The following BCKDHA variants were observed in gnomAD, a reference collection of about 807,000 sequenced individuals.
The protein encoded by BCKDHA is 2-oxoisovalerate dehydrogenase subunit alpha, mitochondrial.
In BCKDHA, 43 loss-of-function variants were observed where a neutral mutation model predicts 52.2. The observed-to-expected ratio is 0.82, with a 90% CI of 0.64 to 1.06. The LOEUF (loss-of-function observed/expected upper bound fraction) is 1.06, where lower values mean the gene tolerates loss of function less well. Among genes scored for constraint, BCKDHA ranks in the 50% least tolerant of loss-of-function variants. The pLI, the probability that BCKDHA is intolerant of heterozygous loss-of-function variation, is 0.00. For synonymous variants in BCKDHA, 234 were observed against 247.9 expected, an observed-to-expected ratio of 0.94 and a Z score of 0.53; for missense variants, 527 against 621.3, an observed-to-expected ratio of 0.85 and a Z score of 1.61.
chr19:41,412,914 G>C (rs1428740586), intron 3 of BCKDHA, among the ~76,000 whole-genome samples: 2 of 152,078 alleles, frequency 1.3e-5, no homozygotes, highest in African/African-American at 4.8e-5. Context: ...ACATTGGCCA[G>C]GCTAGTCTGG....
chr19:41,402,651 T>C (rs2288872), intron 1 of BCKDHA, among the ~76,000 whole-genome samples: 1 of 152,172 alleles, frequency 6.6e-6, no homozygotes, highest in East Asian at 1.9e-4. Flanking sequence ...TTTTGTTTTA[T>C]ATTTTTTTGA....
chr19:41,420,738 C>T (rs1034428332), intron 5 of BCKDHA, among the ~76,000 whole-genome samples: 3 of 152,240 alleles, frequency 2.0e-5, no homozygotes, highest in African/African-American at 7.2e-5. Flanking sequence ...CTGCCTCAGT[C>T]CTCAGAGTCA....
At chr19:41,409,713 T>A (rs2039230838) in intron 1 of BCKDHA, among the ~76,000 whole-genome samples, 1 of 152,114 alleles carries the variant, frequency 6.6e-6, no homozygotes, top group Admixed American at 6.6e-5. Flanking sequence ...AGCCTCTCAT[T>A]TCCATGAGGG....
At chr19:41,410,601 T>G in intron 1 of BCKDHA, 36 bp from the exon 2 acceptor site, 3 of 1,613,376 alleles carry the variant, frequency 1.9e-6, no homozygotes, top group Non-Finnish European at 2.5e-6. Context: ...GGGTGCTGCT[T>G]CTGATGCAGG....
chr19:41,419,648 G>A lies in BCKDHA; in HGVS notation c.646+352G>A, dbSNP rs2039343173. On this transcript the variant is annotated intron_variant, in intron 5 of 8. Coordinates refer to ENST00000269980, the MANE Select transcript of BCKDHA (RefSeq NM_000709.4). The stretch of plus-strand genomic sequence containing the variant: ...ATAGAGACAGGGTTTCACCGTGTTG[G>A]CCAGGCTGGTCTCAAACTCCCGGCC... Among the ~76,000 whole-genome samples, 5 of 151,976 alleles carry A rather than the reference G, an allele frequency of 3.3e-5. No homozygotes were observed. The South Asian group carries it at 1.0e-3, about 32-fold the overall frequency.
At chr19:41,411,100 C>T (rs2039249035) in intron 3 of BCKDHA, 91 bp downstream of exon 3, 4 of 1,410,488 alleles carry the variant, frequency 2.8e-6, no homozygotes, top group Non-Finnish European at 4.0e-6. Flanking sequence ...CCAAGGAGGA[C>T]AGATTCTTTT....
At chr19:41,404,656 C>T (rs1203721460) in intron 1 of BCKDHA, among the ~76,000 whole-genome samples, 5 of 151,658 alleles carry the variant, frequency 3.3e-5, no homozygotes, top group South Asian at 2.1e-4. Flanking sequence ...TGCAGTGGTG[C>T]GATCTTGGCT....
Position 41,422,617 on chromosome 19 carries a change from G to A in BCKDHA, c.854-12G>A. 2.5e-6 allele frequency: 4 copies of A among 1,613,814 alleles called. No homozygotes were observed. Among genetic ancestry groups the A allele is most frequent in the Non-Finnish European group, 3.4e-6 (4 of 1,180,030 alleles). On this transcript the variant is annotated splice_polypyrimidine_tract_variant and intron_variant, in intron 6 of 8. Coordinates refer to ENST00000269980, the MANE Select transcript of BCKDHA (RefSeq NM_000709.4). ...AGCCCTGGCCTGACCTGCCTTCTCTGTGTCCCCACAGCAGCACGAGGCCCC... is the reference window on the plus strand; with the variant it reads ...AGCCCTGGCCTGACCTGCCTTCTCTATGTCCCCACAGCAGCACGAGGCCCC...
rs1367109275 is a variant in BCKDHA at position 41,422,216 on chromosome 19, C to T, written c.699C>T (p.Ile233=). ...AKRANANRVV[I]CYFGEGAASE... ...GGGCCAATGCCAACAGGGTCGTCAT[C>T]TGTTACTTCGGCGAGGGGGCAGCCA... Residue 233 remains isoleucine, a synonymous_variant, in exon 6 of 9, where the codon ATC becomes ATT. Coordinates refer to ENST00000269980, the MANE Select transcript of BCKDHA (RefSeq NM_000709.4). 1 of 1,614,182 alleles carries T rather than the reference C, an allele frequency of 6.2e-7. No homozygotes were observed. The highest frequency in any genetic ancestry group is 8.5e-7 in the Non-Finnish European group (1 of 1,180,012).
intron 5 of BCKDHA, 48 bp downstream of exon 5, chr19:41,419,344 AC>A (rs1238005289): frequency 2.5e-6 from 4 of 1,570,402 alleles, no homozygotes; most frequent in Middle Eastern, 1.8e-4. Flanking sequence ...CCAATGTCAC[AC>A]CCCTGTCCAG....
chr19:41,422,349 C>T lies in BCKDHA; in HGVS notation c.832C>T (p.Gln278Ter). 6.2e-7 allele frequency: 1 copy of T among 1,614,202 alleles called. No homozygotes were observed. Among genetic ancestry groups the T allele is most frequent in the Non-Finnish European group, 8.5e-7 (1 of 1,180,020 alleles). Residue 278 changes from glutamine to a stop codon, truncating the protein, a stop_gained, in exon 6 of 9, where the codon CAG becomes TAG. Coordinates refer to ENST00000269980, the MANE Select transcript of BCKDHA (RefSeq NM_000709.4). LOFTEE classifies it high-confidence loss of function. ...CGCCATCTCCACGCCCACCTCTGAG[C>T]AGTATCGCGGCGATGGCATTGGTAT... ...GYAISTPTSEQYRGDGIAARG... is the reference protein window; with the variant it reads ...GYAISTPTSE
chr19:41,423,427 G>A (rs1217825861), intron 8 of BCKDHA, among the ~76,000 whole-genome samples: 1 of 152,192 alleles, frequency 6.6e-6, no homozygotes, highest in East Asian at 1.9e-4. Context: ...GGGCATGGTG[G>A]CTCACACCTG....
chr19:41,424,735 G>C lies in BCKDHA; in HGVS notation c.*127G>C. The C allele has an allele frequency of 9.1e-7, 1 of 1,103,768 alleles. No individual in the cohort carries two copies. The highest frequency in any genetic ancestry group is 2.6e-5 in the East Asian group (1 of 38,140). The allele number at this position is 1,103,768 out of a possible 1,614,324, so 68.4% of individuals were successfully genotyped here. A position where few individuals can be genotyped will look rare whatever the true frequency, so the allele number is the denominator to read the frequency against. On this transcript the variant is annotated 3_prime_UTR_variant, in exon 9 of 9. Transcript: ENST00000269980. The stretch of plus-strand genomic sequence containing the variant: ...TCAGCTCCCTCTAAAATACTCAGCG[G>C]CCAGGGCGGCTGCCACTCTTCACCC...
At chr19:41,424,204 G>A (rs1053697603) in intron 8 of BCKDHA, among the ~76,000 whole-genome samples, 1 of 152,174 alleles carries the variant, frequency 6.6e-6, no homozygotes, top group Non-Finnish European at 1.5e-5. Flanking sequence ...TTGCTTAGCT[G>A]TCTACCTCTT....
chr19:41,423,185 C>T lies in BCKDHA; in HGVS notation c.1167+16C>T. 1 of 1,550,522 alleles carries T rather than the reference C, an allele frequency of 6.4e-7. No homozygotes were observed. Among genetic ancestry groups the T allele is most frequent in the South Asian group, 1.2e-5 (1 of 84,032 alleles). ...CCGCAGGAAGGTGAGGGTGCCCCGC[C>T]CGGGAGGGTGTGCTGGGGGCTGCTG... On this transcript the variant is annotated intron_variant, in intron 8 of 8. Transcript: ENST00000269980.
Position 41,414,306 on chromosome 19 carries a change from T to C in BCKDHA, c.484+149T>C, listed in dbSNP as rs3213860. 495,362 of 814,442 alleles carry C rather than the reference T, an allele frequency of 0.61. 154,403 individuals are homozygous for C. The highest frequency in any genetic ancestry group is 0.83 in the African/African-American group (48,983 of 59,200). 50.5% of individuals were successfully genotyped at this position (814,442 alleles called of 1,614,324 possible). A position where few individuals can be genotyped will look rare whatever the true frequency, so the allele number is the denominator to read the frequency against. ...AAGCAAGAAAGAGACAAGCCAGGGT[T>C]AGGACTCTGGAGGGGGCAGTCTTCC... is the stretch of plus-strand genomic sequence containing the variant. On this transcript the variant is annotated intron_variant, in intron 4 of 8. Coordinates refer to ENST00000269980, the MANE Select transcript of BCKDHA (RefSeq NM_000709.4).
At chr19:41,412,051 C>T (rs1599953967) in intron 3 of BCKDHA, among the ~76,000 whole-genome samples, 1 of 152,226 alleles carries the variant, frequency 6.6e-6, no homozygotes, top group Non-Finnish European at 1.5e-5. Context: ...GGGTGCTGGC[C>T]AGGCTGCCTT....
chr19:41,417,894 T>C (rs11883104), intron 4 of BCKDHA, among the ~76,000 whole-genome samples: 99,089 of 150,492 alleles, frequency 0.66, 33,670 homozygotes, highest in African/African-American at 0.83. Context: ...CATTGCATTC[T>C]GGGCAACAAG....
At chr19:41,399,433 C>T (rs1265399153) in intron 1 of BCKDHA, 1 of 148,362 alleles carries the variant, frequency 6.7e-6, no homozygotes, top group Non-Finnish European at 1.5e-5. Context: ...GTGGGCAGGA[C>T]TGGGGCAGGC....
Sources: allele counts gnomAD v4.1 joint callset (sites outside exome capture counted in the v4.1 genomes callset), GRCh38; gene constraint gnomAD v4.1.1; transcripts MANE v1.5; gene names NCBI Gene and HGNC (gene_info 2026-07-23, HGNC 2026-07-21).